IKZF3: variants seen among roughly 807,000 people sequenced by gnomAD.
The protein encoded by IKZF3 is IKAROS family zinc finger 3.
IKZF3 carries 10 observed loss-of-function variants against 49.0 expected under a neutral mutation model. That is an observed-to-expected ratio of 0.20 (90% CI 0.13 to 0.35). IKZF3 has a LOEUF of 0.35. IKZF3 is among the 10% of genes least tolerant of loss of function. The pLI is 1.00. For synonymous variants in IKZF3, 209 were observed against 228.2 expected, an observed-to-expected ratio of 0.92 and a Z score of 0.76; for missense variants, 498 against 664.8, an observed-to-expected ratio of 0.75 and a Z score of 2.76.
chr17:39,863,331 C>T (rs998075255), intron 1 of IKZF3, among the ~76,000 whole-genome samples: 2 of 152,116 alleles, frequency 1.3e-5, no homozygotes, highest in African/African-American at 4.8e-5. Flanking sequence ...CCACGATCTT[C>T]ATATTTATCA....
At chr17:39,819,318 C>T (rs1285101320) in intron 3 of IKZF3, among the ~76,000 whole-genome samples, 1 of 152,072 alleles carries the variant, frequency 6.6e-6, no homozygotes, top group Non-Finnish European at 1.5e-5. Context: ...ATTTCAACTA[C>T]AAATTTAATG....
In IKZF3 at chr17:39,783,952, C is replaced by CA. The variant is rs200517680; in HGVS notation, c.709+4305dup. Among the ~76,000 whole-genome samples, 416 of 149,826 alleles carry CA rather than the reference C, an allele frequency of 2.8e-3. 1 individual carries two copies. The highest frequency in any genetic ancestry group is 4.5e-3 in the Non-Finnish European group (305 of 67,248). ...TCAAAACAAAAAACAAAAAACAAAACAAAAAAAAATAGGTTGGGAAAACAA... is the reference window on the plus strand; with the variant it reads ...TCAAAACAAAAAACAAAAAACAAAACAAAAAAAAAATAGGTTGGGAAAACAA... On this transcript the variant is annotated intron_variant, in intron 6 of 7. Transcript: ENST00000346872.
intron 4 of IKZF3, among the ~76,000 whole-genome samples, 191 bp from the exon 5 acceptor site, chr17:39,791,774 C>A (rs576552698): frequency 6.6e-6 from 1 of 152,012 alleles, no homozygotes; most frequent in Non-Finnish European, 1.5e-5. Flanking sequence ...GAAAAAGCAC[C>A]CACTAGCAAG....
At chr17:39,777,987 G>C in intron 6 of IKZF3, 2 of 1,218,622 alleles carry the variant, frequency 1.6e-6, no homozygotes, top group South Asian at 5.6e-5. Context: ...AGATGGGAAA[G>C]CTCGACCCAT....
chr17:39,804,216 G>A (rs183274570), intron 3 of IKZF3, among the ~76,000 whole-genome samples: 87 of 152,266 alleles, frequency 5.7e-4, no homozygotes, highest in African/African-American at 2.1e-3. Context: ...GGAGGCCAAG[G>A]CGGGCAGATT....
intron 3 of IKZF3, among the ~76,000 whole-genome samples, chr17:39,826,247 T>C (rs2061953330): frequency 6.6e-6 from 1 of 152,212 alleles, no homozygotes; most frequent in Non-Finnish European, 1.5e-5. Context: ...CTCACTATAT[T>C]GCCCAGGTTG....
At chr17:39,805,718 T>A (rs954965380) in intron 3 of IKZF3, among the ~76,000 whole-genome samples, 1 of 152,204 alleles carries the variant, frequency 6.6e-6, no homozygotes, top group Non-Finnish European at 1.5e-5. Context: ...AACATGTTCA[T>A]CCCTGGGGAT....
At chr17:39,831,571 A>G (rs1222451802) in intron 2 of IKZF3, among the ~76,000 whole-genome samples, 1 of 152,228 alleles carries the variant, frequency 6.6e-6, no homozygotes, top group Non-Finnish European at 1.5e-5. Context: ...AGGGATCAGT[A>G]AACTATGGCC....
chr17:39,780,300 TA>T (rs1048269732), intron 6 of IKZF3, among the ~76,000 whole-genome samples: 46 of 151,872 alleles, frequency 3.0e-4, no homozygotes, highest in African/African-American at 1.0e-3. Context: ...TTAGTGGCCT[TA>T]AAAAACTGTA....
intron 7 of IKZF3, among the ~76,000 whole-genome samples, chr17:39,773,809 A>C (rs2060503991): frequency 1.3e-5 from 2 of 152,190 alleles, no homozygotes; most frequent in Non-Finnish European, 2.9e-5. Context: ...TTATAACAGG[A>C]GAACAAGATT....
chr17:39,791,697 G>T, intron 4 of IKZF3, 114 bp from the exon 5 acceptor site: 4 of 1,045,718 alleles, frequency 3.8e-6, no homozygotes, highest in South Asian at 1.5e-5. Context: ...GTTCACATTG[G>T]GATCAGTTGG....
intron 3 of IKZF3, among the ~76,000 whole-genome samples, chr17:39,814,086 A>G (rs1334138114): frequency 2.6e-5 from 4 of 152,204 alleles, no homozygotes; most frequent in Admixed American, 1.3e-4. Context: ...TCTAAGCACC[A>G]AAGAGTTGTA....
Position 39,773,243 on chromosome 17 carries a change from G to A in IKZF3, c.826+4408C>T, listed in dbSNP as rs1510474. 9.8e-5 allele frequency among the ~76,000 whole-genome samples: 15 copies of A among 152,290 alleles called. No homozygotes were observed. In the East Asian group the frequency reaches 1.7e-3, roughly 18 times the overall value. ...AGTGCCTTATAGGCCGAGGTCTGGC[G>A]CTGCTCTGTCACCTGCCAGCTGTGT... On this transcript the variant is annotated intron_variant, in intron 7 of 7. Coordinates refer to ENST00000346872, the MANE Select transcript of IKZF3 (RefSeq NM_012481.5).
intron 7 of IKZF3, among the ~76,000 whole-genome samples, chr17:39,772,333 C>T (rs1178543911): frequency 6.6e-6 from 1 of 152,088 alleles, no homozygotes; most frequent in African/African-American, 2.4e-5. Flanking sequence ...TTTAGAGTCA[C>T]CATGATGGGG....
At position 39,809,816 on chromosome 17, in the gene IKZF3, T is replaced by A. The variant is rs1436676253; in HGVS notation, c.164-16883A>T. Among the ~76,000 whole-genome samples the A allele has an allele frequency of 6.6e-5, 10 of 152,192 alleles. No homozygotes were observed. In the East Asian group the frequency reaches 1.9e-3, roughly 29 times the overall value. ...ATTGACATAGATTTCAGGATGATGATGAAGAAAGGGAGATTGAATCTTTCA... is the reference window on the plus strand; with the variant it reads ...ATTGACATAGATTTCAGGATGATGAAGAAGAAAGGGAGATTGAATCTTTCA... On this transcript the variant is annotated intron_variant, in intron 3 of 7. Transcript: ENST00000346872.
intron 1 of IKZF3, chr17:39,835,655 G>T (rs528712495): frequency 9.1e-5 from 40 of 438,088 alleles, no homozygotes; most frequent in Non-Finnish European, 1.6e-4. Context: ...GGGAGCAGCT[G>T]TTATGCGTGG....
chr17:39,824,947 G>A (rs763208580), intron 3 of IKZF3, among the ~76,000 whole-genome samples: 71 of 152,114 alleles, frequency 4.7e-4, no homozygotes, highest in Non-Finnish European at 8.8e-4. Flanking sequence ...CTCCCGCCTC[G>A]GCCTCCCAAA....
rs1326103238 is a variant in IKZF3 at position 39,839,468 on chromosome 17, T to C, written c.8-7317A>G. 6.9e-6 allele frequency: 4 copies of C among 578,346 alleles called. No homozygotes were observed. The African/African-American group carries it at 7.6e-5, about 11-fold the overall frequency. The allele number at this position is 578,346 out of a possible 1,614,324, so 35.8% of individuals were successfully genotyped here. A position where few individuals can be genotyped will look rare whatever the true frequency, so the allele number is the denominator to read the frequency against. ...AAATCCACTGCGGAATGGGAAGATT[T>C]TCCTTTTGTTTCTTGGCCAGGAATC... On this transcript the variant is annotated intron_variant, in intron 1 of 7. Coordinates refer to ENST00000346872, the MANE Select transcript of IKZF3 (RefSeq NM_012481.5).
chr17:39,807,729 C>G (rs780318746), intron 3 of IKZF3, among the ~76,000 whole-genome samples: 69 of 151,770 alleles, frequency 4.5e-4, no homozygotes, highest in African/African-American at 1.9e-4. Flanking sequence ...CTGATACATG[C>G]AGCAACATAG....
Sources: allele counts gnomAD v4.1 joint callset (sites outside exome capture counted in the v4.1 genomes callset), GRCh38; gene constraint gnomAD v4.1.1; transcripts MANE v1.5; gene names NCBI Gene and HGNC (gene_info 2026-07-23, HGNC 2026-07-21).